Variants in LRRC1 observed in about 807,000 individuals in gnomAD.
LRRC1 encodes leucine rich repeat containing 1, also known as leucine-rich repeat-containing protein 1.
LRRC1 carries 28 observed loss-of-function variants against 69.9 expected under a neutral mutation model. That is an observed-to-expected ratio of 0.40 (90% CI 0.30 to 0.55). The LOEUF (loss-of-function observed/expected upper bound fraction) is 0.55, where lower values mean the gene tolerates loss of function less well. Ranked by LOEUF, LRRC1 falls within the 20% of genes least tolerant of loss-of-function variation. The probability of loss-of-function intolerance (pLI) is 0.47; values close to 1 mark genes in which losing one functional copy is unlikely to be tolerated. For synonymous variants in LRRC1, 236 were observed against 240.2 expected, an observed-to-expected ratio of 0.98 and a Z score of 0.16; for missense variants, 498 against 609.0, an observed-to-expected ratio of 0.82 and a Z score of 1.92.
At chr6:53,922,529 T>C in intron 13 of LRRC1, 106 bp from the exon 14 acceptor site, 1 of 1,028,002 alleles carries the variant, frequency 9.7e-7, no homozygotes. Context: ...TTTAAGAATT[T>C]CTAAGAAGGT....
intron 2 of LRRC1, among the ~76,000 whole-genome samples, chr6:53,871,042 G>A (rs1056169315): frequency 4.6e-5 from 7 of 152,064 alleles, no homozygotes; most frequent in African/African-American, 1.7e-4. Flanking sequence ...CATCTGTTGA[G>A]GGACACTTAG....
intron 11 of LRRC1, among the ~76,000 whole-genome samples, chr6:53,914,564 G>A (rs377661396): frequency 6.6e-6 from 1 of 152,156 alleles, no homozygotes; most frequent in Non-Finnish European, 1.5e-5. Flanking sequence ...CTCAAGTTCC[G>A]GAGCAGAGGT....
chr6:53,891,474 A>C (rs542706973), intron 4 of LRRC1, among the ~76,000 whole-genome samples: 1 of 152,112 alleles, frequency 6.6e-6, no homozygotes, highest in East Asian at 1.9e-4. Context: ...GTAAGTGAGG[A>C]AAGCAAAGTG....
chr6:53,841,380 G>A (rs541849141), intron 1 of LRRC1, among the ~76,000 whole-genome samples: 1 of 152,228 alleles, frequency 6.6e-6, no homozygotes, highest in African/African-American at 2.4e-5. Flanking sequence ...GTTTCAATTT[G>A]TTTGTTAGTT....
intron 2 of LRRC1, among the ~76,000 whole-genome samples, 186 bp from the exon 3 acceptor site, chr6:53,878,807 C>G (rs1286791602): frequency 6.6e-6 from 1 of 152,068 alleles, no homozygotes; most frequent in Non-Finnish European, 1.5e-5. Context: ...TAATGTGCTT[C>G]TGTTGAGAAT....
chr6:53,837,912 A>G (rs1765657402), intron 1 of LRRC1, among the ~76,000 whole-genome samples: 1 of 152,226 alleles, frequency 6.6e-6, no homozygotes, highest in Non-Finnish European at 1.5e-5. Flanking sequence ...GTTCCTTTGC[A>G]TATAATTGTA....
chr6:53,816,490 A>C (rs368477006), intron 1 of LRRC1, among the ~76,000 whole-genome samples: 29 of 152,042 alleles, frequency 1.9e-4, no homozygotes, highest in African/African-American at 7.0e-4. Flanking sequence ...AAGAGAAATC[A>C]CTGAGATGGA....
intron 2 of LRRC1, among the ~76,000 whole-genome samples, chr6:53,868,596 C>G (rs138267603): frequency 1.3e-4 from 20 of 152,250 alleles, no homozygotes; most frequent in Non-Finnish European, 4.4e-5. Context: ...GATCCCCTCA[C>G]GTAGTGTTCT....
At chr6:53,884,513 G>C (rs1365766939) in intron 4 of LRRC1, among the ~76,000 whole-genome samples, 4 of 151,392 alleles carry the variant, frequency 2.6e-5, no homozygotes, top group African/African-American at 9.7e-5. Flanking sequence ...TCCCCGCTTT[G>C]CCCCCCCTAC....
intron 1 of LRRC1, among the ~76,000 whole-genome samples, chr6:53,833,235 C>G (rs1191962880): frequency 6.6e-6 from 1 of 152,202 alleles, no homozygotes; most frequent in Non-Finnish European, 1.5e-5. Context: ...CTTCTTTTCT[C>G]CAAGTGATTG....
intron 2 of LRRC1, among the ~76,000 whole-genome samples, chr6:53,869,309 G>A (rs1249409336): frequency 6.6e-6 from 1 of 152,042 alleles, no homozygotes; most frequent in African/African-American, 2.4e-5. Context: ...GGATGGTGGG[G>A]TCTGGGGGAA....
chr6:53,809,743 T>C (rs985779470), intron 1 of LRRC1, among the ~76,000 whole-genome samples: 1 of 152,204 alleles, frequency 6.6e-6, no homozygotes, highest in African/African-American at 2.4e-5. Context: ...TAGTTTCCCC[T>C]TAGTGGAGGG....
chr6:53,885,770 A>G (rs1331405401), intron 4 of LRRC1, among the ~76,000 whole-genome samples: 1 of 152,178 alleles, frequency 6.6e-6, no homozygotes, highest in African/African-American at 2.4e-5. Flanking sequence ...CAGACTTGCA[A>G]TGCCTTGAAC....
At chr6:53,808,311 G>A (rs182979097) in intron 1 of LRRC1, among the ~76,000 whole-genome samples, 1 of 151,942 alleles carries the variant, frequency 6.6e-6, no homozygotes, top group East Asian at 1.9e-4. Flanking sequence ...GATGGGGAGG[G>A]GGTAGCAGAA....
At chr6:53,816,329 A>C (rs984471706) in intron 1 of LRRC1, among the ~76,000 whole-genome samples, 4 of 152,098 alleles carry the variant, frequency 2.6e-5, no homozygotes, top group Admixed American at 1.3e-4. Flanking sequence ...TATAAAATAG[A>C]TGTTGGGTCT....
chr6:53,861,932 G>A (rs1421520758), intron 2 of LRRC1, among the ~76,000 whole-genome samples: 4 of 152,164 alleles, frequency 2.6e-5, no homozygotes, highest in African/African-American at 7.2e-5. Flanking sequence ...GCAGCACAGA[G>A]GGATGGAAGC....
chr6:53,828,597 T>C (rs4331986), intron 1 of LRRC1, among the ~76,000 whole-genome samples: 56,527 of 152,166 alleles, frequency 0.37, 10,976 homozygotes, highest in East Asian at 0.64. Flanking sequence ...ATGTATGTTT[T>C]AGCTCACTTG....
At chr6:53,900,033 T>TG (rs2127436789) in intron 8 of LRRC1, 142 bp downstream of exon 8, 5 of 307,894 alleles carry the variant, frequency 1.6e-5, no homozygotes, top group East Asian at 1.0e-4. Context: ...TTTTTTTTTT[T>TG]TTTTTTTTTT....
At chr6:53,798,595 G>A (rs1047054059) in intron 1 of LRRC1, among the ~76,000 whole-genome samples, 1 of 152,102 alleles carries the variant, frequency 6.6e-6, no homozygotes, top group African/African-American at 2.4e-5. Flanking sequence ...TAGCCAGGAT[G>A]GTCTCGATCT....
Sources: gnomAD v4.1 joint callset for allele counts (sites outside exome capture counted in the v4.1 genomes callset) on GRCh38, gnomAD v4.1.1 for gene constraint, MANE v1.5 for transcripts, NCBI Gene and HGNC (gene_info 2026-07-23, HGNC 2026-07-21) for gene names.